Variants in PCM1 observed in about 807,000 individuals in gnomAD.
The protein encoded by PCM1 is pericentriolar material 1.
PCM1 carries 157 observed loss-of-function variants against 241.9 expected under a neutral mutation model. The observed-to-expected ratio is 0.65, with a 90% CI of 0.57 to 0.74. PCM1 has a LOEUF of 0.74. Ranked by LOEUF, PCM1 falls within the 30% of genes least tolerant of loss-of-function variation. The pLI, the probability that PCM1 is intolerant of heterozygous loss-of-function variation, is 0.00. For missense variants in PCM1, 3,478 were observed against 2,360.1 expected, an observed-to-expected ratio of 1.47 and a Z score of -9.81; for synonymous variants, 1,085 against 784.9, an observed-to-expected ratio of 1.38 and a Z score of -6.39.
chr8:17,972,854 AAAT>A (rs1470636832), intron 23 of PCM1, among the ~76,000 whole-genome samples, 167 bp downstream of exon 23: 3 of 152,246 alleles, frequency 2.0e-5, no homozygotes, highest in African/African-American at 7.2e-5. Flanking sequence ...TTTTTTTACA[AAAT>A]AATATTCGAA....
At chr8:17,970,900 G>C (rs982919120) in intron 22 of PCM1, among the ~76,000 whole-genome samples, 1 of 152,062 alleles carries the variant, frequency 6.6e-6, no homozygotes, top group Non-Finnish European at 1.5e-5. Context: ...TAAATGACTA[G>C]AGATAAAAAG....
At chr8:17,941,095 A>G (rs1378985407) in intron 6 of PCM1, among the ~76,000 whole-genome samples, 3 of 152,138 alleles carry the variant, frequency 2.0e-5, no homozygotes, top group Non-Finnish European at 4.4e-5. Context: ...ATTATTTTCA[A>G]CAGGAGATAC....
chr8:17,927,660 C>T (rs1008546470), intron 2 of PCM1: 5 of 152,118 alleles, frequency 3.3e-5, no homozygotes, highest in African/African-American at 1.2e-4. Context: ...AAGTGATTCT[C>T]CTGCCTCAGC....
rs1409124808 is a variant in PCM1 at position 17,953,117 on chromosome 8, A to C, written c.1219A>C (p.Lys407Gln). The C allele has an allele frequency of 6.3e-7, 1 of 1,597,502 alleles. No homozygotes were observed. ...FSKMRVLQEK[K>Q]QKMDKLLGEL... ...CAAAATGAGAGTGCTACAGGAAAAG[A>C]AACAAAAAATGGACAAATTGCTTGG... is the stretch of plus-strand genomic sequence containing the variant. Residue 407 changes from lysine (K) to glutamine (Q), a missense_variant, in exon 9 of 39, where the codon AAA becomes CAA. Physicochemically the swap from Lys to Gln is moderately conservative, Grantham distance 53. Transcript: ENST00000325083.
At chr8:17,989,182 A>T (rs1039032752) in intron 26 of PCM1, among the ~76,000 whole-genome samples, 1 of 152,026 alleles carries the variant, frequency 6.6e-6, no homozygotes, top group Non-Finnish European at 1.5e-5. Context: ...GAAAAGTCAG[A>T]CAATGAAGAG....
intron 10 of PCM1, 155 bp downstream of exon 10, chr8:17,955,808 G>A: frequency 1.5e-6 from 1 of 647,376 alleles, no homozygotes; most frequent in East Asian, 2.7e-5. Flanking sequence ...TGTGTTGTGT[G>A]GGCATAATTT....
At chr8:17,986,214 G>A (rs923783852) in intron 26 of PCM1, 127 bp downstream of exon 26, 9 of 612,430 alleles carry the variant, frequency 1.5e-5, no homozygotes, top group South Asian at 3.7e-5. Context: ...TTAAAACTTG[G>A]GTATAATGTG....
chr8:17,971,127 A>C lies in PCM1; in HGVS notation c.3585-1202A>C, dbSNP rs112170896. 3.8e-3 allele frequency among the ~76,000 whole-genome samples: 579 copies of C among 152,334 alleles called. 2 individuals are homozygous for C. Among genetic ancestry groups the C allele is most frequent in the Non-Finnish European group, 6.0e-3 (405 of 68,030 alleles). ...GGGCACAGAAATTTTATTTTCATAT[A>C]ATTTTCATTTGTCACAAACTTTTAA... On this transcript the variant is annotated intron_variant, in intron 22 of 38. Coordinates refer to ENST00000325083, the MANE Select transcript of PCM1 (RefSeq NM_006197.4).
At position 17,969,676 on chromosome 8, in the gene PCM1, C is replaced by T; in HGVS notation, c.3512C>T (p.Ser1171Leu). 1 of 1,613,100 alleles carries T rather than the reference C, an allele frequency of 6.2e-7. No homozygotes were observed. Among genetic ancestry groups the T allele is most frequent in the Non-Finnish European group, 8.5e-7 (1 of 1,179,210 alleles). ...CAGCAACCCTTAGCCCAGAATTCTTCAGGAAAAACAGAATATATGGCTTTT... is the reference window on the plus strand; with the variant it reads ...CAGCAACCCTTAGCCCAGAATTCTTTAGGAAAAACAGAATATATGGCTTTT... ...EQQQPLAQNS[S>L]GKTEYMAFPK... The change falls in exon 22 of 39, where the codon TCA (serine) becomes TTA (leucine). Residue 1171 changes from serine to leucine, a missense_variant. Coordinates refer to ENST00000325083, the MANE Select transcript of PCM1 (RefSeq NM_006197.4).
intron 23 of PCM1, among the ~76,000 whole-genome samples, chr8:17,974,705 A>G (rs993965396): frequency 2.6e-5 from 4 of 152,222 alleles, no homozygotes; most frequent in Admixed American, 1.3e-4. Flanking sequence ...TATATAATTC[A>G]GCCTTTTAAC....
At chr8:18,018,879 T>TACAC (rs377102229) in intron 36 of PCM1, among the ~76,000 whole-genome samples, 35 of 35,560 alleles carry the variant, frequency 9.8e-4, no homozygotes, top group Non-Finnish European at 9.8e-4. Context: ...TATATATATA[T>TACAC]ACACACACAT....
chr8:17,993,700 G>A (rs1312943028), intron 29 of PCM1, 81 bp downstream of exon 29: 5 of 1,217,980 alleles, frequency 4.1e-6, no homozygotes, highest in Middle Eastern at 2.1e-4. Flanking sequence ...TTGTGATAAA[G>A]TTCAACGGTA....
intron 2 of PCM1, among the ~76,000 whole-genome samples, chr8:17,934,300 C>T (rs2129448390): frequency 6.7e-6 from 1 of 148,184 alleles, no homozygotes; most frequent in East Asian, 2.0e-4. Context: ...TTTTGCTAGT[C>T]ACCCAGGCTG....
rs1489315305 is a variant in PCM1, at chr8:18,014,010, C to A, written c.5558C>A (p.Pro1853Gln). Residue 1853 changes from proline to glutamine, a missense_variant, in exon 35 of 39, where the codon CCA (proline) becomes CAA (glutamine). Transcript: ENST00000325083. ...FKKTAESKNV[P>Q]LEREATSKND... Reference sequence around the variant, plus strand: ...AAGACAGCAGAAAGCAAAAATGTCCCATTGGAACGAGAAGCCACTAGTAAA... The same window carrying A: ...AAGACAGCAGAAAGCAAAAATGTCCAATTGGAACGAGAAGCCACTAGTAAA... 2.5e-6 allele frequency: 4 copies of A among 1,600,898 alleles called. No homozygotes were observed. Among genetic ancestry groups the A allele is most frequent in the African/African-American group, 1.3e-5 (1 of 74,098 alleles).
chr8:18,026,424 A>AT (rs1051791108), intron 38 of PCM1, among the ~76,000 whole-genome samples: 5 of 150,310 alleles, frequency 3.3e-5, no homozygotes, highest in Admixed American at 2.7e-4. Flanking sequence ...CGCCTGGCTG[A>AT]TTTTTTTGTA....
At chr8:18,022,399 G>C (rs1564451886) in intron 36 of PCM1, among the ~76,000 whole-genome samples, 2 of 152,132 alleles carry the variant, frequency 1.3e-5, no homozygotes, top group Non-Finnish European at 2.9e-5. Flanking sequence ...TCAAAGAATA[G>C]CCACTCTCAC....
intron 23 of PCM1, 74 bp from the exon 24 acceptor site, chr8:17,980,517 C>A: frequency 3.9e-6 from 5 of 1,271,590 alleles, no homozygotes; most frequent in Admixed American, 2.3e-5. Context: ...TGTACTGTTA[C>A]ACAATGGAAA....
chr8:17,969,813 G>A (rs1046007002), intron 22 of PCM1, 65 bp downstream of exon 22: 3 of 1,242,618 alleles, frequency 2.4e-6, no homozygotes, highest in African/African-American at 3.1e-5. Flanking sequence ...CTAATTATGT[G>A]TAATTTGAAA....
chr8:18,026,353 G>C (rs1218290351), intron 38 of PCM1, among the ~76,000 whole-genome samples: 1 of 147,038 alleles, frequency 6.8e-6, no homozygotes. Context: ...CGCCTCCCAG[G>C]TTCGCGCCAT....
Sources: gnomAD v4.1 joint callset for allele counts (sites outside exome capture counted in the v4.1 genomes callset) on GRCh38, gnomAD v4.1.1 for gene constraint, MANE v1.5 for transcripts, NCBI Gene and HGNC (gene_info 2026-07-23, HGNC 2026-07-21) for gene names.